NPAS3: variants seen among roughly 807,000 people sequenced by gnomAD.
The protein encoded by NPAS3 is neuronal PAS domain-containing protein 3.
Under a neutral mutation model 73.1 loss-of-function variants are expected in NPAS3, and 14 were observed. That is an observed-to-expected ratio of 0.19 (90% confidence interval 0.13 to 0.30). The LOEUF (loss-of-function observed/expected upper bound fraction) is 0.30, where lower values mean the gene tolerates loss of function less well. Among genes scored for constraint, NPAS3 ranks in the 10% least tolerant of loss-of-function variants. The pLI is 1.00. For missense variants in NPAS3, 1,096 were observed against 1,250.0 expected (o/e 0.88, Z 1.86); for synonymous variants, 620 against 541.5 (o/e 1.14, Z -2.01).
intron 2 of NPAS3, among the ~76,000 whole-genome samples, chr14:33,197,298 C>G (rs1341017895): frequency 3.4e-5 from 5 of 145,736 alleles, no homozygotes; most frequent in African/African-American, 1.3e-4. Flanking sequence ...ACTGTACAGT[C>G]AGTCCTAGAA....
At chr14:33,140,078 C>T (rs2043990131) in intron 2 of NPAS3, among the ~76,000 whole-genome samples, 1 of 152,084 alleles carries the variant, frequency 6.6e-6, no homozygotes, top group Non-Finnish European at 1.5e-5. Flanking sequence ...TATATTAAAA[C>T]ATTTTTCGGT....
intron 5 of NPAS3, among the ~76,000 whole-genome samples, chr14:33,592,443 A>T (rs1014225677): frequency 6.6e-6 from 1 of 152,160 alleles, no homozygotes; most frequent in Non-Finnish European, 1.5e-5. Context: ...TATGTGATTG[A>T]GTGTTGGATG....
chr14:33,802,573 A>T (rs775076853), downstream of NPAS3: 4 of 152,164 alleles, frequency 2.6e-5, no homozygotes, highest in Non-Finnish European at 4.4e-5. Context: ...TACAATGTGT[A>T]TGTGTCCTTG....
intron 7 of NPAS3, 40 bp downstream of exon 7, chr14:33,735,372 C>T: frequency 1.5e-6 from 2 of 1,366,126 alleles, no homozygotes; most frequent in Non-Finnish European, 2.1e-6. Flanking sequence ...CTGTCTCAGG[C>T]CAGTCCTAGG....
At chr14:33,346,371 A>G (rs370895667) in intron 3 of NPAS3, among the ~76,000 whole-genome samples, 11 of 151,758 alleles carry the variant, frequency 7.2e-5, no homozygotes, top group African/African-American at 2.7e-4. Flanking sequence ...TCTACAGAAA[A>G]CAGAAAAATT....
At chr14:33,331,518 C>CT (rs957073003) in intron 3 of NPAS3, among the ~76,000 whole-genome samples, 41 of 151,892 alleles carry the variant, frequency 2.7e-4, no homozygotes, top group African/African-American at 9.4e-4. Context: ...CTTTTGAGGG[C>CT]TTTTTTTTCC....
intron 3 of NPAS3, among the ~76,000 whole-genome samples, chr14:33,261,102 T>TGC (rs2048960332): frequency 1.3e-5 from 2 of 152,204 alleles, no homozygotes; most frequent in African/African-American, 4.8e-5. Flanking sequence ...CTTTTGTTTA[T>TGC]TTCAATGCTA....
At chr14:32,963,383 C>T (rs1182873708) in intron 1 of NPAS3, among the ~76,000 whole-genome samples, 1 of 152,050 alleles carries the variant, frequency 6.6e-6, no homozygotes, top group Non-Finnish European at 1.5e-5. Context: ...CAGGCTGTTC[C>T]AAAGCAAATC....
chr14:33,320,547 C>T (rs2097789555), intron 3 of NPAS3, among the ~76,000 whole-genome samples: 1 of 152,140 alleles, frequency 6.6e-6, no homozygotes. Context: ...GTGAGCATCT[C>T]CTCCGACATG....
At chr14:33,247,134 T>G (rs1268302457) in intron 3 of NPAS3, among the ~76,000 whole-genome samples, 1 of 151,338 alleles carries the variant, frequency 6.6e-6, no homozygotes. Context: ...TAGAATGTAC[T>G]TTAAAAGAGA....
At chr14:33,731,529 A>G (rs2140623263) in intron 6 of NPAS3, among the ~76,000 whole-genome samples, 1 of 152,142 alleles carries the variant, frequency 6.6e-6, no homozygotes, top group Non-Finnish European at 1.5e-5. Flanking sequence ...AAGTGTTCCA[A>G]ACAAACCTGG....
chr14:33,543,946 CAT>C lies in NPAS3; in HGVS notation c.469-16120_469-16119del, dbSNP rs35154724. 4.3e-3 allele frequency among the ~76,000 whole-genome samples: 447 copies of C among 104,528 alleles called. 1 individual carries two copies. The highest frequency in any genetic ancestry group is 7.0e-3 in the Non-Finnish European group (313 of 44,904). The allele number at this position is 104,528 out of a possible 152,430, so 68.6% of individuals were successfully genotyped here. A position where few individuals can be genotyped will look rare whatever the true frequency, so the allele number is the denominator to read the frequency against. The stretch of plus-strand genomic sequence containing the variant: ...CATCTCAGACAGGTATGGCAAAGTG[CAT>C]ATATATATATATATATATATATATA... On this transcript the variant is annotated intron_variant, in intron 4 of 11. Coordinates refer to ENST00000356141, the Ensembl canonical transcript of NPAS3.
chr14:33,525,583 T>G (rs2053761291), intron 4 of NPAS3, among the ~76,000 whole-genome samples: 1 of 152,168 alleles, frequency 6.6e-6, no homozygotes, highest in Non-Finnish European at 1.5e-5. Context: ...TCTGTGAATT[T>G]TTTCCTATAT....
At chr14:33,402,005 G>A (rs541658022) in intron 4 of NPAS3, among the ~76,000 whole-genome samples, 135 of 152,166 alleles carry the variant, frequency 8.9e-4, no homozygotes, top group African/African-American at 3.2e-3. Context: ...TGGAAGAGAC[G>A]ACTGATGACC....
chr14:33,588,567 T>C (rs2056950091), intron 5 of NPAS3, among the ~76,000 whole-genome samples: 1 of 152,216 alleles, frequency 6.6e-6, no homozygotes, highest in Admixed American at 6.5e-5. Flanking sequence ...CTTGTAGGTT[T>C]TCTGAAAGCT....
intron 1 of NPAS3, among the ~76,000 whole-genome samples, chr14:33,003,671 G>T (rs1252679063): frequency 6.6e-6 from 1 of 152,138 alleles, no homozygotes; most frequent in Non-Finnish European, 1.5e-5. Flanking sequence ...TTTTCACAGT[G>T]GAAGCTTTGC....
intron 2 of NPAS3, among the ~76,000 whole-genome samples, chr14:33,086,540 C>T (rs761437464): frequency 3.9e-5 from 6 of 152,134 alleles, no homozygotes; most frequent in Admixed American, 1.3e-4. Context: ...CAGAATTTAA[C>T]AGGACAGTAA....
chr14:33,544,297 T>G (rs1202175491), intron 4 of NPAS3, among the ~76,000 whole-genome samples: 1 of 152,074 alleles, frequency 6.6e-6, no homozygotes, highest in Non-Finnish European at 1.5e-5. Context: ...CATGAGCCAC[T>G]GCACCCAGCT....
intron 4 of NPAS3, among the ~76,000 whole-genome samples, chr14:33,468,359 C>T (rs1290571083): frequency 6.6e-6 from 1 of 152,212 alleles, no homozygotes; most frequent in African/African-American, 2.4e-5. Context: ...GGCCAAGCTC[C>T]ATGTGTTAAC....
Sources: gnomAD v4.1 joint callset for allele counts (sites outside exome capture counted in the v4.1 genomes callset) on GRCh38, gnomAD v4.1.1 for gene constraint, MANE v1.5 for transcripts, NCBI Gene and HGNC (gene_info 2026-07-23, HGNC 2026-07-21) for gene names.